LRCH3: variants seen among roughly 807,000 people sequenced by gnomAD.
LRCH3 encodes the protein DISP complex protein LRCH3.
In LRCH3, 68 loss-of-function variants were observed where a neutral mutation model predicts 104.5. That is an observed-to-expected ratio of 0.65 (90% CI 0.54 to 0.80). The LOEUF (loss-of-function observed/expected upper bound fraction) is 0.80. LRCH3 is among the 30% of genes least tolerant of loss of function. The pLI, the probability that LRCH3 is intolerant of heterozygous loss-of-function variation, is 0.00. For synonymous variants in LRCH3, 344 were observed against 361.3 expected (o/e 0.95, Z 0.54); for missense variants, 951 against 953.9 (o/e 1.00, Z 0.04).
chr3:197,798,930 C>T (rs926878760), intron 1 of LRCH3, among the ~76,000 whole-genome samples: 1 of 152,206 alleles, frequency 6.6e-6, no homozygotes, highest in African/African-American at 2.4e-5. Flanking sequence ...CTTGGACCAA[C>T]CTCCTCTCTG....
At chr3:197,865,695 T>A (rs1316517689) in intron 16 of LRCH3, among the ~76,000 whole-genome samples, 4 of 151,914 alleles carry the variant, frequency 2.6e-5, no homozygotes, top group African/African-American at 9.7e-5. Context: ...AAGATTTTCC[T>A]AAATTACTTG....
intron 20 of LRCH3, among the ~76,000 whole-genome samples, chr3:197,880,110 T>G (rs568827005): frequency 6.6e-6 from 1 of 150,868 alleles, no homozygotes; most frequent in African/African-American, 2.5e-5. Flanking sequence ...CACGCCCGGC[T>G]AATTTTTTGT....
Position 197,887,336 on chromosome 3 carries a change from G to T in LRCH3, c.*3670G>T, listed in dbSNP as rs1179969611. On this transcript the variant is annotated 3_prime_UTR_variant, in exon 21 of 21. Coordinates refer to ENST00000425562, the MANE Select transcript of LRCH3 (RefSeq NM_001365715.1). The stretch of plus-strand genomic sequence containing the variant: ...CAGAGCCCTTCCCATCACTGACAGT[G>T]TTGGGGGTTGAGAGCCCCCCAGCAG... 1 of 154,878 alleles carries T rather than the reference G, an allele frequency of 6.5e-6. No homozygotes were observed. Among genetic ancestry groups the T allele is most frequent in the Non-Finnish European group, 1.4e-5 (1 of 69,332 alleles). 9.6% of individuals were successfully genotyped at this position (154,878 alleles called of 1,614,324 possible).
chr3:197,878,406 G>C (rs1276788011), intron 20 of LRCH3, among the ~76,000 whole-genome samples: 1 of 152,132 alleles, frequency 6.6e-6, no homozygotes, highest in African/African-American at 2.4e-5. Flanking sequence ...TTATGGGCCA[G>C]CCTGCCCCTG....
chr3:197,846,241 A>C (rs1178953804), intron 10 of LRCH3, among the ~76,000 whole-genome samples: 3 of 152,120 alleles, frequency 2.0e-5, no homozygotes, highest in African/African-American at 7.2e-5. Context: ...CGGTCTCTAC[A>C]AAAACTGCAG....
At chr3:197,867,804 G>A (rs1484008933) in intron 17 of LRCH3, among the ~76,000 whole-genome samples, 2 of 152,030 alleles carry the variant, frequency 1.3e-5, no homozygotes, top group Admixed American at 6.6e-5. Flanking sequence ...GCAGTGAGCC[G>A]AGATCGCACC....
At chr3:197,870,356 G>C (rs1438469995) in intron 18 of LRCH3, 78 bp downstream of exon 18, 3 of 1,350,106 alleles carry the variant, frequency 2.2e-6, no homozygotes, top group Non-Finnish European at 3.1e-6. Context: ...GTCTTCATTT[G>C]ACACATCATT....
intron 1 of LRCH3, among the ~76,000 whole-genome samples, chr3:197,808,450 C>T (rs1489521962): frequency 6.6e-6 from 1 of 152,194 alleles, no homozygotes; most frequent in Non-Finnish European, 1.5e-5. Context: ...TCACCACTTA[C>T]TTTCTATTTA....
At position 197,835,146 on chromosome 3, in the gene LRCH3, A is replaced by AAAAAC. The variant is rs1298551894; in HGVS notation, c.1103-518_1103-514dup. 4.6e-5 allele frequency among the ~76,000 whole-genome samples: 7 copies of AAAAAC among 150,898 alleles called. No homozygotes were observed. The South Asian group carries it at 1.0e-3, about 22-fold the overall frequency. ...ATGACAAAGGGAGACCCTGTCTCAA[A>AAAAAC]AAAACAAAACAAAATAAAATATAAG... On this transcript the variant is annotated intron_variant, in intron 8 of 20. Coordinates refer to ENST00000425562, the MANE Select transcript of LRCH3 (RefSeq NM_001365715.1).
At chr3:197,818,048 C>T (rs745780549) in intron 3 of LRCH3, among the ~76,000 whole-genome samples, 37 of 152,132 alleles carry the variant, frequency 2.4e-4, no homozygotes, top group Non-Finnish European at 1.9e-4. Context: ...GTCTTGATCT[C>T]CTGACCTTGT....
chr3:197,828,603 C>G (rs1735516209), intron 5 of LRCH3, among the ~76,000 whole-genome samples: 1 of 151,920 alleles, frequency 6.6e-6, no homozygotes, highest in Non-Finnish European at 1.5e-5. Context: ...CCTCGGCCTC[C>G]CAAAGTGCTG....
At chr3:197,866,256 G>A in intron 17 of LRCH3, 37 bp downstream of exon 17, 1 of 1,491,636 alleles carries the variant, frequency 6.7e-7, no homozygotes, top group East Asian at 2.3e-5. Context: ...GGAGCGAGGG[G>A]AGGTTTACAC....
chr3:197,848,147 C>G (rs1330443515), intron 12 of LRCH3, 126 bp downstream of exon 12: 2 of 841,240 alleles, frequency 2.4e-6, no homozygotes, highest in African/African-American at 1.7e-5. Flanking sequence ...GGAATCTTGA[C>G]TAAATAGAGT....
In LRCH3 at chr3:197,854,462, A is replaced by G. The variant is rs1169184960; in HGVS notation, c.1644+17A>G. On this transcript the variant is annotated intron_variant, in intron 14 of 20. Transcript: ENST00000425562. The surrounding 1 kb of genome is among the most constrained non-coding windows in gnomAD (Gnocchi z 4.5). ...TTGTGCATGGTAAGAGTTTTGCACA[A>G]AACGGAGTTTCGCATTTCTGTGTTT... 1 of 1,612,972 alleles carries G rather than the reference A, an allele frequency of 6.2e-7. No individual in the cohort carries two copies. The highest frequency in any genetic ancestry group is 8.5e-7 in the Non-Finnish European group (1 of 1,178,888).
chr3:197,792,797 G>A (rs905095799), intron 1 of LRCH3, among the ~76,000 whole-genome samples: 20 of 147,272 alleles, frequency 1.4e-4, no homozygotes, highest in East Asian at 4.1e-4. Flanking sequence ...GACTACAGGC[G>A]CCCGCCACCA....
intron 10 of LRCH3, among the ~76,000 whole-genome samples, chr3:197,845,821 C>T (rs1280903154): frequency 1.3e-5 from 2 of 152,200 alleles, no homozygotes; most frequent in Admixed American, 6.5e-5. Flanking sequence ...AGAAGAATCT[C>T]TTGAACCTGG....
intron 12 of LRCH3, among the ~76,000 whole-genome samples, chr3:197,848,695 A>G (rs549777935): frequency 6.6e-6 from 1 of 152,312 alleles, no homozygotes; most frequent in Non-Finnish European, 1.5e-5. Flanking sequence ...CTGTGTCCCT[A>G]GACCTTAGCA....
chr3:197,857,918 T>C (rs1740470949), intron 14 of LRCH3, among the ~76,000 whole-genome samples: 2 of 152,256 alleles, frequency 1.3e-5, no homozygotes, highest in Admixed American at 1.3e-4. Flanking sequence ...ATTTATTTCA[T>C]TGACCATATA....
intron 2 of LRCH3, among the ~76,000 whole-genome samples, 169 bp from the exon 3 acceptor site, chr3:197,817,007 T>C (rs1172025103): frequency 5.9e-5 from 9 of 152,114 alleles, no homozygotes; most frequent in Non-Finnish European, 1.2e-4. Context: ...ACACTGTGCC[T>C]GTAACCATAA....
Sources: gnomAD v4.1 joint callset for allele counts (sites outside exome capture counted in the v4.1 genomes callset) on GRCh38, gnomAD v4.1.1 for gene constraint, Gnocchi (gnomAD v3.1) non-coding constraint, MANE v1.5 for transcripts, NCBI Gene and HGNC (gene_info 2026-07-23, HGNC 2026-07-21) for gene names.